The following PARM1 variants were observed in gnomAD, a reference collection of about 807,000 sequenced individuals.
PARM1 encodes the protein prostate androgen-regulated mucin-like protein 1.
PARM1 carries 14 observed loss-of-function variants against 24.6 expected under a neutral mutation model. The observed-to-expected ratio is 0.57, with a 90% CI of 0.38 to 0.89. PARM1 has a LOEUF of 0.89. Among genes scored for constraint, PARM1 ranks in the 40% least tolerant of loss-of-function variants. The pLI, the probability that PARM1 is intolerant of heterozygous loss-of-function variation, is 0.00. For missense variants in PARM1, 362 were observed against 380.4 expected (o/e 0.95, Z 0.40); for synonymous variants, 179 against 156.6 (o/e 1.14, Z -1.07).
In PARM1 at chr4:75,019,875, C is replaced by T. The variant is rs372440607; in HGVS notation, c.769+6725C>T. ...AAAATTAGCCGGGCGCGGTGGCGGG[C>T]GCCTGTAGTCCCAGCTACTCGGGAG... On this transcript the variant is annotated intron_variant, in intron 2 of 3. Coordinates refer to ENST00000307428, the MANE Select transcript of PARM1 (RefSeq NM_015393.4). Among the ~76,000 whole-genome samples, 71 of 150,320 alleles carry T rather than the reference C, an allele frequency of 4.7e-4. 1 individual carries two copies. In the East Asian group the frequency reaches 0.013, roughly 27 times the overall value.
At chr4:75,037,303 G>T (rs1182362847) in intron 3 of PARM1, among the ~76,000 whole-genome samples, 2 of 152,214 alleles carry the variant, frequency 1.3e-5, no homozygotes, top group Non-Finnish European at 2.9e-5. Flanking sequence ...GGAGCCATTA[G>T]CTTCTGACCT....
At chr4:74,987,533 T>G (rs1215499526) in intron 1 of PARM1, among the ~76,000 whole-genome samples, 1 of 152,246 alleles carries the variant, frequency 6.6e-6, no homozygotes, top group Non-Finnish European at 1.5e-5. Flanking sequence ...TTGTAAAAAC[T>G]TCTTTTAAAT....
intron 3 of PARM1, among the ~76,000 whole-genome samples, chr4:75,044,759 A>C (rs934621794): frequency 8.4e-6 from 1 of 119,672 alleles, no homozygotes; most frequent in African/African-American, 3.4e-5. Context: ...AAAGAGGTTT[A>C]ATTGGACTTA....
chr4:74,954,117 C>T (rs893632087), intron 1 of PARM1, among the ~76,000 whole-genome samples: 3 of 152,190 alleles, frequency 2.0e-5, no homozygotes, highest in Admixed American at 1.3e-4. Flanking sequence ...TATTAAGTTA[C>T]TGAGAAGAGA....
chr4:75,027,136 A>C (rs1450712612), intron 2 of PARM1, among the ~76,000 whole-genome samples: 4 of 152,166 alleles, frequency 2.6e-5, no homozygotes. Flanking sequence ...CCACAGGCAG[A>C]AATACAGAGG....
intron 1 of PARM1, among the ~76,000 whole-genome samples, chr4:74,982,576 A>G (rs1486799066): frequency 1.3e-5 from 2 of 152,200 alleles, no homozygotes; most frequent in Admixed American, 1.3e-4. Context: ...CCACCCAAAG[A>G]TCACCACTGT....
rs184161926 is a variant in PARM1 at position 75,034,208 on chromosome 4, T to C, written c.848+247T>C. The stretch of plus-strand genomic sequence containing the variant: ...GCATGATGATGCAATGGAACAAGAA[T>C]TAACGTGGAGTCGGGAGACTGAAGC... On this transcript the variant is annotated intron_variant, in intron 3 of 3. Transcript: ENST00000307428. 4.6e-5 allele frequency among the ~76,000 whole-genome samples: 7 copies of C among 152,174 alleles called. No homozygotes were observed. The East Asian group carries it at 1.4e-3, about 29-fold the overall frequency.
At chr4:75,005,069 G>T (rs752144890) in intron 1 of PARM1, among the ~76,000 whole-genome samples, 3 of 152,114 alleles carry the variant, frequency 2.0e-5, no homozygotes, top group Non-Finnish European at 2.9e-5. Flanking sequence ...TATGTAAAGC[G>T]CTCAGTACAC....
rs535802705 is a variant in PARM1, at chr4:74,989,120, G to A, written c.44-23305G>A. 1.2e-4 allele frequency among the ~76,000 whole-genome samples: 18 copies of A among 152,216 alleles called. No individual in the cohort carries two copies. In the South Asian group the frequency reaches 3.3e-3, roughly 28 times the overall value. On this transcript the variant is annotated intron_variant, in intron 1 of 3. Coordinates refer to ENST00000307428, the MANE Select transcript of PARM1 (RefSeq NM_015393.4). ...ACACAGCACCTCCAGTCACCAAAATGTGTGGGGATTTCTCCCCATTAGCAA... is the reference window on the plus strand; with the variant it reads ...ACACAGCACCTCCAGTCACCAAAATATGTGGGGATTTCTCCCCATTAGCAA...
At chr4:74,933,425 A>G in intron 1 of PARM1, 55 bp downstream of exon 1, 1 of 1,514,660 alleles carries the variant, frequency 6.6e-7, no homozygotes, top group Non-Finnish European at 9.2e-7. Flanking sequence ...CCCAGTAGCT[A>G]GCGCGTGGTC....
At chr4:74,962,056 ATT>A (rs915047832) in intron 1 of PARM1, among the ~76,000 whole-genome samples, 8 of 152,130 alleles carry the variant, frequency 5.3e-5, no homozygotes, top group Admixed American at 1.3e-4. Flanking sequence ...TTAATTCTAC[ATT>A]TTGTTTTCTA....
chr4:74,944,801 TA>T (rs201129512), intron 1 of PARM1, among the ~76,000 whole-genome samples: 4 of 151,592 alleles, frequency 2.6e-5, no homozygotes, highest in African/African-American at 9.7e-5. Context: ...AGATTTTGGT[TA>T]AAAAAAAATT....
intron 3 of PARM1, among the ~76,000 whole-genome samples, chr4:75,045,605 T>G (rs1042699095): frequency 2.6e-5 from 4 of 152,216 alleles, no homozygotes; most frequent in African/African-American, 9.6e-5. Context: ...GCACTTCAAT[T>G]AACATCTCTG....
intron 2 of PARM1, among the ~76,000 whole-genome samples, chr4:75,026,017 G>T (rs988406785): frequency 2.0e-5 from 3 of 152,214 alleles, no homozygotes; most frequent in African/African-American, 7.2e-5. Context: ...GTAGCTTAAT[G>T]ATGTAAAGAT....
At chr4:74,964,139 G>A (rs1220010424) in intron 1 of PARM1, among the ~76,000 whole-genome samples, 1 of 152,152 alleles carries the variant, frequency 6.6e-6, no homozygotes, top group African/African-American at 2.4e-5. Context: ...TAGGAGCAGG[G>A]ATGGATAGCT....
intron 1 of PARM1, among the ~76,000 whole-genome samples, chr4:74,977,438 C>T (rs1722160468): frequency 1.3e-5 from 2 of 152,062 alleles, no homozygotes; most frequent in South Asian, 4.2e-4. Flanking sequence ...ATGAACAAAA[C>T]CTCTGATAAC....
At chr4:74,950,896 C>T (rs931681765) in intron 1 of PARM1, among the ~76,000 whole-genome samples, 2 of 151,054 alleles carry the variant, frequency 1.3e-5, no homozygotes, top group South Asian at 2.1e-4. Context: ...CACTAAATAC[C>T]GATAGCACCC....
At chr4:74,961,489 A>G (rs1721773335) in intron 1 of PARM1, among the ~76,000 whole-genome samples, 2 of 152,338 alleles carry the variant, frequency 1.3e-5, no homozygotes, top group Middle Eastern at 3.4e-3. Context: ...GGACTCAAAG[A>G]GACCCACACC....
At chr4:75,017,265 G>A (rs747999060) in intron 2 of PARM1, among the ~76,000 whole-genome samples, 16 of 152,044 alleles carry the variant, frequency 1.1e-4, no homozygotes, top group Non-Finnish European at 1.3e-4. Flanking sequence ...ATCACTCCCC[G>A]CTCTGAATCA....
Sources: allele counts gnomAD v4.1 joint callset (sites outside exome capture counted in the v4.1 genomes callset), GRCh38; gene constraint gnomAD v4.1.1; transcripts MANE v1.5; gene names NCBI Gene and HGNC (gene_info 2026-07-23, HGNC 2026-07-21).